LINGO2: variants seen among roughly 807,000 people sequenced by gnomAD.
LINGO2 encodes the protein leucine-rich repeat and immunoglobulin-like domain-containing nogo receptor-interacting protein 2.
Under a neutral mutation model 30.6 loss-of-function variants are expected in LINGO2, and 14 were observed. That is an observed-to-expected ratio of 0.46 (90% confidence interval 0.30 to 0.72). The LOEUF (loss-of-function observed/expected upper bound fraction) is 0.72, where lower values mean the gene tolerates loss of function less well. Ranked by LOEUF, LINGO2 falls within the 30% of genes least tolerant of loss-of-function variation. The pLI is 0.07. For missense variants in LINGO2, 729 were observed against 751.7 expected (o/e 0.97, Z 0.35); for synonymous variants, 317 against 288.5 (o/e 1.10, Z -1.00).
chr9:27,946,072 C>A (rs1227729839), downstream of LINGO2, among the ~76,000 whole-genome samples: 1 of 152,022 alleles, frequency 6.6e-6, no homozygotes, highest in Non-Finnish European at 1.5e-5. Flanking sequence ...TGAAGTAGAC[C>A]AACCGGGGTT....
chr9:28,120,868 C>T (rs1371001258), intron 4 of LINGO2, among the ~76,000 whole-genome samples: 4 of 151,936 alleles, frequency 2.6e-5, no homozygotes, highest in Non-Finnish European at 5.9e-5. Context: ...TAATAGTTCA[C>T]GACAGTGTTG....
the LINGO2 span, among the ~76,000 whole-genome samples, chr9:28,764,866 G>A: frequency 6.6e-6 from 1 of 151,598 alleles, no homozygotes; most frequent in Admixed American, 6.6e-5. Context: ...AATGACCTAT[G>A]CAAAAAGGAA....
chr9:27,983,736 G>T (rs1354261811), intron 5 of LINGO2, among the ~76,000 whole-genome samples: 1 of 151,822 alleles, frequency 6.6e-6, no homozygotes, highest in Non-Finnish European at 1.5e-5. Flanking sequence ...CTTCCAATTT[G>T]GTACTTTCCC....
chr9:28,669,488 T>G (rs1183854286), intron 1 of LINGO2, among the ~76,000 whole-genome samples: 1 of 151,994 alleles, frequency 6.6e-6, no homozygotes, highest in East Asian at 1.9e-4. Context: ...CTCTGTAATT[T>G]CAGATAGTAA....
the LINGO2 span, among the ~76,000 whole-genome samples, chr9:29,009,632 T>C: frequency 2.6e-4 from 39 of 152,168 alleles, no homozygotes; most frequent in Non-Finnish European, 4.4e-4. Context: ...TTCAATGCCA[T>C]CCCCATTAAG....
chr9:28,037,472 T>C (rs1353069094), intron 4 of LINGO2, among the ~76,000 whole-genome samples: 1 of 151,568 alleles, frequency 6.6e-6, no homozygotes, highest in Non-Finnish European at 1.5e-5. Flanking sequence ...CTGTCTCCTT[T>C]AAAAAAAAAG....
chr9:28,650,200 T>G (rs574610734), intron 1 of LINGO2, among the ~76,000 whole-genome samples: 1 of 152,134 alleles, frequency 6.6e-6, no homozygotes, highest in Non-Finnish European at 1.5e-5. Flanking sequence ...GTTACAACTC[T>G]CAAAACAAAA....
At chr9:28,053,019 G>GT (rs1824748489) in intron 4 of LINGO2, among the ~76,000 whole-genome samples, 3 of 152,216 alleles carry the variant, frequency 2.0e-5, no homozygotes, top group African/African-American at 7.2e-5. Context: ...ATATAGGTAT[G>GT]TTTTCTGTCC....
At chr9:28,895,923 T>C in the LINGO2 span, among the ~76,000 whole-genome samples, 97 of 152,264 alleles carry the variant, frequency 6.4e-4, no homozygotes, top group African/African-American at 2.2e-3. Flanking sequence ...TAAGTATACA[T>C]ATCCCCATTT....
At chr9:29,023,898 T>C in the LINGO2 span, among the ~76,000 whole-genome samples, 4 of 152,260 alleles carry the variant, frequency 2.6e-5, no homozygotes, top group African/African-American at 9.6e-5. Flanking sequence ...AAATATAATA[T>C]GTATAATACA....
intron 4 of LINGO2, among the ~76,000 whole-genome samples, chr9:28,075,069 A>C (rs775357425): frequency 5.9e-5 from 9 of 151,926 alleles, no homozygotes; most frequent in Non-Finnish European, 1.0e-4. Context: ...TCATGAGGCC[A>C]TTCCTTTCTC....
chr9:28,431,029 T>TGAGAGAGAGAGAGAGAGAGAGA (rs57751993), intron 2 of LINGO2, among the ~76,000 whole-genome samples: 2 of 129,448 alleles, frequency 1.5e-5, no homozygotes, highest in African/African-American at 3.1e-5. Context: ...GCATGAGTGA[T>TGAGAGAGAGAGAGAGAGAGAGA]GAGAGAGAGA....
intron 1 of LINGO2, among the ~76,000 whole-genome samples, chr9:28,623,565 T>C (rs1826513057): frequency 6.6e-6 from 1 of 152,130 alleles, no homozygotes; most frequent in Non-Finnish European, 1.5e-5. Flanking sequence ...TGTCTGTTTC[T>C]ATGTCAGTAC....
At chr9:28,402,350 A>G (rs998527359) in intron 2 of LINGO2, among the ~76,000 whole-genome samples, 6 of 152,200 alleles carry the variant, frequency 3.9e-5, no homozygotes, top group Non-Finnish European at 8.8e-5. Flanking sequence ...AGTCGCAGTT[A>G]AAACTTCATA....
intron 4 of LINGO2, among the ~76,000 whole-genome samples, chr9:28,156,278 G>A (rs1337560204): frequency 6.6e-6 from 1 of 152,154 alleles, no homozygotes; most frequent in Non-Finnish European, 1.5e-5. Flanking sequence ...AGAAAATGTT[G>A]CTCCTTTCAA....
the LINGO2 span, among the ~76,000 whole-genome samples, chr9:29,112,169 T>G: frequency 6.6e-6 from 1 of 151,996 alleles, no homozygotes; most frequent in Admixed American, 6.6e-5. Flanking sequence ...AAATGATGTC[T>G]AATTTTTAGA....
At chr9:29,067,527 A>C in the LINGO2 span, among the ~76,000 whole-genome samples, 1 of 151,772 alleles carries the variant, frequency 6.6e-6, no homozygotes, top group East Asian at 1.9e-4. Context: ...ATCAATAAGA[A>C]TCAAGTTTTG....
the LINGO2 span, among the ~76,000 whole-genome samples, chr9:28,684,007 T>A: frequency 1.3e-5 from 2 of 151,994 alleles, no homozygotes; most frequent in South Asian, 2.1e-4. Context: ...AAATCAAAAC[T>A]TTTTTTGTGA....
intron 1 of LINGO2, among the ~76,000 whole-genome samples, chr9:28,658,352 A>C (rs1326565877): frequency 2.6e-5 from 4 of 151,920 alleles, no homozygotes; most frequent in Non-Finnish European, 5.9e-5. Flanking sequence ...GTCTCCTACT[A>C]TTATTGTGGA....
Sources: allele counts gnomAD v4.1 joint callset (sites outside exome capture counted in the v4.1 genomes callset), GRCh38; gene constraint gnomAD v4.1.1; transcripts MANE v1.5; gene names NCBI Gene and HGNC (gene_info 2026-07-23, HGNC 2026-07-21).